Variants in ABCA13 observed in about 807,000 individuals in gnomAD.
ABCA13 encodes the protein ATP binding cassette subfamily A member 13.
Under a neutral mutation model 478.7 loss-of-function variants are expected in ABCA13, and 476 were observed. The observed-to-expected ratio is 0.99, with a 90% CI of 0.92 to 1.07. The LOEUF is 1.07. ABCA13 is among the 50% of genes least tolerant of loss of function. The pLI is 0.00. For synonymous variants in ABCA13, 2,252 were observed against 2,158.9 expected, an observed-to-expected ratio of 1.04 and a Z score of -1.20; for missense variants, 6,060 against 5,910.6, an observed-to-expected ratio of 1.03 and a Z score of -0.83.
rs529268032 is a variant in ABCA13 at position 48,574,240 on chromosome 7, G to A, written c.14355-5984G>A. Among the ~76,000 whole-genome samples, 34 of 152,192 alleles carry A rather than the reference G, an allele frequency of 2.2e-4. No homozygotes were observed. In the South Asian group the frequency reaches 6.2e-3, roughly 28 times the overall value. The stretch of plus-strand genomic sequence containing the variant: ...TTCAAAGAGAATTCTCTTTAGCTTT[G>A]ATATGGAATTAGAATAGATAAAATT... On this transcript the variant is annotated intron_variant, in intron 55 of 61. Coordinates refer to ENST00000435803, the MANE Select transcript of ABCA13 (RefSeq NM_152701.5).
chr7:48,569,303 T>C (rs1380386958), intron 55 of ABCA13, among the ~76,000 whole-genome samples: 1 of 152,222 alleles, frequency 6.6e-6, no homozygotes, highest in Non-Finnish European at 1.5e-5. Context: ...TGTTTTGATA[T>C]GTTGTGTTTT....
intron 20 of ABCA13, among the ~76,000 whole-genome samples, chr7:48,288,756 A>G (rs1454062100): frequency 6.6e-6 from 1 of 152,116 alleles, no homozygotes; most frequent in East Asian, 1.9e-4. Flanking sequence ...CCAGCATAGC[A>G]ATTTCCTTTT....
At chr7:48,311,898 C>T (rs1472275934) in intron 24 of ABCA13, among the ~76,000 whole-genome samples, 4 of 152,160 alleles carry the variant, frequency 2.6e-5, no homozygotes, top group African/African-American at 9.7e-5. Flanking sequence ...TATATTAATT[C>T]GGCACATCAA....
chr7:48,392,406 T>C (rs1348725870), intron 38 of ABCA13, among the ~76,000 whole-genome samples: 1 of 152,196 alleles, frequency 6.6e-6, no homozygotes. Flanking sequence ...AGGCTGTTGA[T>C]GGAAACTTTG....
chr7:48,217,543 T>C (rs1370869037), intron 3 of ABCA13, among the ~76,000 whole-genome samples: 1 of 152,168 alleles, frequency 6.6e-6, no homozygotes, highest in Non-Finnish European at 1.5e-5. Context: ...TTTGATCTTA[T>C]TTTAAAGATA....
Position 48,288,020 on chromosome 7 carries a change from T to A in ABCA13, c.8897T>A (p.Ile2966Lys), listed in dbSNP as rs759470602. The stretch of plus-strand genomic sequence containing the variant: ...ACTCTGAGTTGCAAGCAAAATGGGA[T>A]AAGGCATCTCATTTTATCTGCTATA... ...CATLSCKQNG[I>K]RHLILSAIQG... Residue 2966 changes from isoleucine to lysine, a missense_variant, in exon 20 of 62, where the codon ATA (isoleucine) becomes AAA (lysine). Coordinates refer to ENST00000435803, the MANE Select transcript of ABCA13 (RefSeq NM_152701.5). The A allele has an allele frequency of 6.2e-7, 1 of 1,614,042 alleles. No individual in the cohort carries two copies. The highest frequency in any genetic ancestry group is 8.5e-7 in the Non-Finnish European group (1 of 1,179,896).
intron 27 of ABCA13, among the ~76,000 whole-genome samples, chr7:48,324,901 G>A (rs1804084726): frequency 6.6e-6 from 1 of 152,202 alleles, no homozygotes; most frequent in African/African-American, 2.4e-5. Flanking sequence ...CTGCATTTAT[G>A]TATGAAGATT....
chr7:48,628,666 T>G (rs902337441), intron 59 of ABCA13, among the ~76,000 whole-genome samples: 3 of 152,254 alleles, frequency 2.0e-5, no homozygotes, highest in Admixed American at 6.5e-5. Context: ...TTATTGTCTA[T>G]CTCTGCCCAG....
At chr7:48,377,836 A>C (rs892732740) in intron 35 of ABCA13, among the ~76,000 whole-genome samples, 2 of 152,236 alleles carry the variant, frequency 1.3e-5, no homozygotes, top group East Asian at 3.8e-4. Context: ...GAGAAGAAGC[A>C]AAAATAACAT....
intron 37 of ABCA13, among the ~76,000 whole-genome samples, chr7:48,390,761 C>T (rs1371441048): frequency 6.6e-6 from 1 of 152,124 alleles, no homozygotes; most frequent in African/African-American, 2.4e-5. Flanking sequence ...TGGTGGTGGC[C>T]CAGCAGCCTG....
chr7:48,297,358 GT>G (rs766627045), intron 22 of ABCA13, 47 bp downstream of exon 22: 9 of 1,469,790 alleles, frequency 6.1e-6, no homozygotes, highest in Non-Finnish European at 8.4e-6. Flanking sequence ...ATTAAATTTA[GT>G]TTCTCATGCA....
intron 55 of ABCA13, among the ~76,000 whole-genome samples, chr7:48,541,383 A>G (rs1833933125): frequency 2.6e-5 from 4 of 152,220 alleles, no homozygotes; most frequent in Admixed American, 2.6e-4. Context: ...GTGGCTCCTG[A>G]ACACCATAAA....
At chr7:48,192,933 A>AT (rs559638720) in intron 1 of ABCA13, 26 bp from the exon 2 acceptor site, 246,309 of 1,222,912 alleles carry the variant, frequency 0.2, 3,072 homozygotes, top group Middle Eastern at 0.23. Flanking sequence ...TATTCAGGTG[A>AT]TTTTTTTTTT....
rs556689849 is a variant in ABCA13 at position 48,328,276 on chromosome 7, GA to G, written c.10000-7145del. ...TAGGCAGGTCAAGGTCTTTCCCAGG[GA>G]GCCCTACAGAGAGAACAAAATCCAT... On this transcript the variant is annotated intron_variant, in intron 27 of 61. Coordinates refer to ENST00000435803, the MANE Select transcript of ABCA13 (RefSeq NM_152701.5). Among the ~76,000 whole-genome samples the G allele has an allele frequency of 1.3e-4, 20 of 152,260 alleles. No homozygotes were observed. The East Asian group carries it at 3.9e-3, about 29-fold the overall frequency.
At chr7:48,501,931 G>A (rs1168699373) in intron 48 of ABCA13, among the ~76,000 whole-genome samples, 1 of 152,146 alleles carries the variant, frequency 6.6e-6, no homozygotes, top group African/African-American at 2.4e-5. Flanking sequence ...TCAGGAGCAG[G>A]TTCTAAACTC....
At chr7:48,293,006 G>T (rs1399852775) in intron 20 of ABCA13, among the ~76,000 whole-genome samples, 5 of 152,198 alleles carry the variant, frequency 3.3e-5, no homozygotes, top group Non-Finnish European at 4.4e-5. Context: ...GGGAAGAAAA[G>T]AAACTTATAA....
At position 48,272,770 on chromosome 7, in the gene ABCA13, C is replaced by T; in HGVS notation, c.3104C>T (p.Ser1035Leu). Reference sequence around the variant, plus strand: ...GTATCTTACTGTCAGCAATTGCTTTCAATTTTTAACTTTTTGGAGCTTCAG... The same window carrying T: ...GTATCTTACTGTCAGCAATTGCTTTTAATTTTTAACTTTTTGGAGCTTCAG... ...SNVSYCQQLL[S>L]IFNFLELQAQ... Residue 1035 changes from serine (S) to leucine (L), a missense_variant, in exon 17 of 62, where the codon TCA becomes TTA. By Grantham distance (145) the Ser-to-Leu change is moderately radical (BLOSUM62 -2). Coordinates refer to ENST00000435803, the MANE Select transcript of ABCA13 (RefSeq NM_152701.5). 1 of 1,606,376 alleles carries T rather than the reference C, an allele frequency of 6.2e-7. No homozygotes were observed. Among genetic ancestry groups the T allele is most frequent in the South Asian group, 1.1e-5 (1 of 90,214 alleles).
intron 41 of ABCA13, among the ~76,000 whole-genome samples, chr7:48,420,322 C>T (rs190473175): frequency 2.6e-5 from 4 of 152,302 alleles, no homozygotes; most frequent in Middle Eastern, 6.8e-3. Context: ...GGCATCTGTA[C>T]TTTCTACTCC....
chr7:48,304,111 A>G (rs1800549840), intron 23 of ABCA13, among the ~76,000 whole-genome samples: 1 of 152,220 alleles, frequency 6.6e-6, no homozygotes, highest in Non-Finnish European at 1.5e-5. Context: ...ATAATCCATG[A>G]TTAGAATTCT....
Sources: allele counts gnomAD v4.1 joint callset (sites outside exome capture counted in the v4.1 genomes callset), GRCh38; gene constraint gnomAD v4.1.1; transcripts MANE v1.5; gene names NCBI Gene and HGNC (gene_info 2026-07-23, HGNC 2026-07-21).